IARS1: variants seen among roughly 807,000 people sequenced by gnomAD.
The protein encoded by IARS1 is isoleucyl-tRNA synthetase 1.
Under a neutral mutation model 168.2 loss-of-function variants are expected in IARS1, and 124 were observed. That is an observed-to-expected ratio of 0.74 (90% CI 0.64 to 0.86). The LOEUF (loss-of-function observed/expected upper bound fraction) is 0.86, where lower values mean the gene tolerates loss of function less well. Ranked by LOEUF, IARS1 falls within the 40% of genes least tolerant of loss-of-function variation. The pLI, the probability that IARS1 is intolerant of heterozygous loss-of-function variation, is 0.00. For synonymous variants in IARS1, 532 were observed against 529.4 expected (o/e 1.00, Z -0.07); for missense variants, 1,452 against 1,515.8 (o/e 0.96, Z 0.70).
chr9:92,234,862 G>C (rs963500199), intron 30 of IARS1, among the ~76,000 whole-genome samples: 3 of 132,306 alleles, frequency 2.3e-5, no homozygotes, highest in Non-Finnish European at 4.9e-5. Flanking sequence ...TTTTTTTTTT[G>C]AGATGGAGTT....
Position 92,258,888 on chromosome 9 carries a change from C to T in IARS1, c.1982G>A (p.Arg661His), listed in dbSNP as rs374796955. 7.0e-5 allele frequency: 113 copies of T among 1,612,824 alleles called. No individual in the cohort carries two copies. Among genetic ancestry groups the T allele is most frequent in the Non-Finnish European group, 9.1e-5 (107 of 1,179,682 alleles). Residue 661 changes from arginine to histidine, a missense_variant, in exon 19 of 34, where the codon CGC becomes CAC. Physicochemically the swap from Arg to His is conservative, Grantham distance 29. Transcript: ENST00000443024. ...DVLLPWYNAY[R>H]FLIQNVLRLQ... is the part of the protein sequence containing the mutation. ...CCTCAGAACGTTCTGGATTAAGAAG[C>T]GATAGGCATTGTACCATGGGAGCAG...
At chr9:92,276,827 G>A (rs1833845152) in intron 9 of IARS1, among the ~76,000 whole-genome samples, 1 of 152,178 alleles carries the variant, frequency 6.6e-6, no homozygotes, top group Non-Finnish European at 1.5e-5. Context: ...AGAGAGTGTG[G>A]GAGTGGGGAC....
chr9:92,245,015 T>C lies in IARS1; in HGVS notation c.2848A>G (p.Thr950Ala), dbSNP rs2133639795. ...GTCCCACCTGTGGCCTGATCAAAGG[T>C]GTACATGAGGCGGATGTCTTCATCG... ...LHDEDIRLMY[T>A]FDQATGGTAQ... The change falls in exon 27 of 34, where the codon ACC becomes GCC. Residue 950 changes from threonine (T) to alanine (A), a missense_variant. By Grantham distance (58) the Thr-to-Ala change is moderately conservative (BLOSUM62 0). Coordinates refer to ENST00000443024, the MANE Select transcript of IARS1 (RefSeq NM_002161.6). The C allele has an allele frequency of 6.2e-7, 1 of 1,614,152 alleles. No individual in the cohort carries two copies. The highest frequency in any genetic ancestry group is 1.3e-5 in the African/African-American group (1 of 75,036).
chr9:92,289,206 C>CAAAAAAAAAAA, intron 2 of IARS1, 95 bp downstream of exon 2: 1 of 324,278 alleles, frequency 3.1e-6, no homozygotes, highest in South Asian at 2.9e-5. Context: ...GACTCCATCT[C>CAAAAAAAAAAA]AAAAAAAAAA....
Position 92,210,842 on chromosome 9 carries a change from A to T in IARS1, c.3754T>A (p.Tyr1252Asn). 2 of 1,611,780 alleles carry T rather than the reference A, an allele frequency of 1.2e-6. No individual in the cohort carries two copies. Among genetic ancestry groups the T allele is most frequent in the South Asian group, 2.2e-5 (2 of 91,032 alleles). ...PVKTLNMKTV[Y>N]VSVLPTTADF ...GCTGTTGTTGGTAACACAGAAACAT[A>T]CACAGTCTTCATATTCAAAGTCTTC... The change falls in exon 34 of 34, where the codon TAT becomes AAT. Residue 1252 changes from tyrosine (Y) to asparagine (N), a missense_variant. Coordinates refer to ENST00000443024, the MANE Select transcript of IARS1 (RefSeq NM_002161.6).
chr9:92,231,414 CTT>C (rs869062848), intron 30 of IARS1, among the ~76,000 whole-genome samples: 6 of 135,088 alleles, frequency 4.4e-5, no homozygotes, highest in Admixed American at 7.4e-5. Flanking sequence ...TTATTTTTTT[CTT>C]TTTTTTTTTT....
intron 30 of IARS1, among the ~76,000 whole-genome samples, chr9:92,235,817 G>A (rs900238829): frequency 3.3e-5 from 5 of 151,840 alleles, no homozygotes; most frequent in African/African-American, 1.2e-4. Context: ...GACCCACCTC[G>A]CCTGGACTAG....
At chr9:92,288,965 T>C (rs1170502413) in intron 2 of IARS1, among the ~76,000 whole-genome samples, 2 of 152,068 alleles carry the variant, frequency 1.3e-5, no homozygotes, top group Admixed American at 6.5e-5. Flanking sequence ...TCCCAGCACT[T>C]TGAGAGGCCG....
intron 1 of IARS1, among the ~76,000 whole-genome samples, chr9:92,290,509 A>G (rs1190895336): frequency 6.6e-6 from 1 of 152,048 alleles, no homozygotes; most frequent in Non-Finnish European, 1.5e-5. Flanking sequence ...TATTTTCTTG[A>G]TGGCATTTTT....
chr9:92,258,793 T>G, intron 19 of IARS1, 61 bp downstream of exon 19: 1 of 1,481,060 alleles, frequency 6.8e-7, no homozygotes, highest in Middle Eastern at 2.5e-4. Flanking sequence ...ACCTCACAGC[T>G]TGGTGAAGGG....
chr9:92,248,274 G>A (rs1829508213), intron 25 of IARS1, among the ~76,000 whole-genome samples: 1 of 152,166 alleles, frequency 6.6e-6, no homozygotes, highest in African/African-American at 2.4e-5. Context: ...GCACAGTAGC[G>A]GATGGGAAAA....
At chr9:92,247,753 T>C (rs1353983404) in intron 25 of IARS1, among the ~76,000 whole-genome samples, 2 of 152,244 alleles carry the variant, frequency 1.3e-5, no homozygotes, top group African/African-American at 4.8e-5. Context: ...AGCACTCATA[T>C]GTGCTACAAC....
chr9:92,262,195 A>C (rs75634932), intron 17 of IARS1, among the ~76,000 whole-genome samples: 1 of 152,110 alleles, frequency 6.6e-6, no homozygotes, highest in Non-Finnish European at 1.5e-5. Flanking sequence ...GATTCCTCAA[A>C]GGTCACAAAG....
intron 28 of IARS1, 94 bp from the exon 29 acceptor site, chr9:92,242,424 G>A: frequency 1.0e-6 from 1 of 982,994 alleles, no homozygotes; most frequent in Non-Finnish European, 1.5e-6. Flanking sequence ...CAGATCCCAT[G>A]CTGAATCATC....
At chr9:92,247,300 AAAAGTC>A in intron 26 of IARS1, 71 bp downstream of exon 26, 1 of 1,373,278 alleles carries the variant, frequency 7.3e-7, no homozygotes, top group Non-Finnish European at 1.0e-6. Flanking sequence ...ATGTGATATT[AAAAGTC>A]AAACAGTAGC....
chr9:92,274,967 AG>A (rs1485072536), intron 9 of IARS1, among the ~76,000 whole-genome samples: 3 of 152,356 alleles, frequency 2.0e-5, no homozygotes, highest in African/African-American at 7.2e-5. Context: ...AAATCTTGAA[AG>A]GAACAGGTGG....
In IARS1 at chr9:92,265,495, T is replaced by C. The variant is rs756934993; in HGVS notation, c.1490A>G (p.Asp497Gly). The stretch of plus-strand genomic sequence containing the variant: ...AGAAACTGACCTCTCTCTGTGGAGA[T>C]CTGAGATCTTTGCTCCTGACAGTTC... ...LEELSGAKIS[D>G]LHRESVDHLT... is the part of the protein sequence containing the mutation. The change falls in exon 15 of 34, where the codon GAT (aspartate) becomes GGT (glycine). Residue 497 changes from aspartate to glycine, a missense_variant. Transcript: ENST00000443024. The C allele has an allele frequency of 1.5e-5, 25 of 1,613,786 alleles. No homozygotes were observed. The highest frequency in any genetic ancestry group is 2.7e-5 in the African/African-American group (2 of 74,902).
chr9:92,260,386 T>C (rs565815025), intron 17 of IARS1, 152 bp from the exon 18 acceptor site: 5 of 652,510 alleles, frequency 7.7e-6, no homozygotes, highest in South Asian at 6.9e-5. Context: ...CCGGGCGCGG[T>C]GGCTCACTCC....
Position 92,271,096 on chromosome 9 carries a change from T to A in IARS1, c.1114-20A>T. On this transcript the variant is annotated intron_variant, in intron 11 of 33. Transcript: ENST00000443024. ...AGCATCCTATTAAAAAAAATTAAAA[T>A]TTAGCCATTAAAACATACTATAATA... is the stretch of plus-strand genomic sequence containing the variant. The A allele has an allele frequency of 6.5e-7, 1 of 1,545,654 alleles. No homozygotes were observed. Among genetic ancestry groups the A allele is most frequent in the Non-Finnish European group, 8.9e-7 (1 of 1,129,742 alleles).
Sources: gnomAD v4.1 joint callset for allele counts (sites outside exome capture counted in the v4.1 genomes callset) on GRCh38, gnomAD v4.1.1 for gene constraint, MANE v1.5 for transcripts, NCBI Gene and HGNC (gene_info 2026-07-23, HGNC 2026-07-21) for gene names.